Variants in NCKAP5 observed in about 807,000 individuals in gnomAD.
NCKAP5 encodes nck-associated protein 5.
A neutral mutation model predicts 167.0 loss-of-function variants in NCKAP5; 92 were observed. The observed-to-expected ratio is 0.55, with a 90% confidence interval of 0.47 to 0.66. The LOEUF is 0.66. NCKAP5 is among the 30% of genes least tolerant of loss of function. The pLI is 0.00. For synonymous variants in NCKAP5, 891 were observed against 877.4 expected, an observed-to-expected ratio of 1.02 and a Z score of -0.27; for missense variants, 2,378 against 2,315.0, an observed-to-expected ratio of 1.03 and a Z score of -0.56.
chr2:133,258,137 CAG>C (rs1470354424), intron 4 of NCKAP5, among the ~76,000 whole-genome samples: 1 of 152,172 alleles, frequency 6.6e-6, no homozygotes, highest in Non-Finnish European at 1.5e-5. Context: ...CCACCAAAAA[CAG>C]ACAAAAACCA....
At chr2:133,426,522 T>C (rs1007507561) in intron 3 of NCKAP5, among the ~76,000 whole-genome samples, 3 of 150,006 alleles carry the variant, frequency 2.0e-5, no homozygotes, top group Non-Finnish European at 4.4e-5. Flanking sequence ...CAAAATCAGA[T>C]ACAGACACTA....
At chr2:133,213,901 T>G in intron 4 of NCKAP5, 122 bp from the exon 5 acceptor site, 1 of 802,492 alleles carries the variant, frequency 1.2e-6, no homozygotes, top group Non-Finnish European at 2.1e-6. Context: ...GCTCACTTCC[T>G]CCTCTATACT....
chr2:133,132,792 T>C (rs920935771), intron 5 of NCKAP5, among the ~76,000 whole-genome samples: 1 of 151,644 alleles, frequency 6.6e-6, no homozygotes, highest in Non-Finnish European at 1.5e-5. Context: ...TTCTCCTGCC[T>C]CAGCCTCCAG....
chr2:132,844,932 C>A (rs1688554746), intron 11 of NCKAP5, among the ~76,000 whole-genome samples: 1 of 152,140 alleles, frequency 6.6e-6, no homozygotes, highest in Non-Finnish European at 1.5e-5. Context: ...TGTTTTTCTC[C>A]ACCTTTGAGT....
chr2:132,933,175 G>T (rs576108412), intron 8 of NCKAP5, among the ~76,000 whole-genome samples: 10 of 151,800 alleles, frequency 6.6e-5, no homozygotes, highest in East Asian at 3.9e-4. Flanking sequence ...TCTGCCCGCT[G>T]CGGCCTCCCA....
chr2:133,304,623 A>C (rs1055026932), intron 3 of NCKAP5, among the ~76,000 whole-genome samples: 3 of 152,224 alleles, frequency 2.0e-5, no homozygotes, highest in Admixed American at 2.0e-4. Flanking sequence ...TGAATTCTCA[A>C]ATATGTTCAG....
chr2:133,107,386 A>C (rs2081744392), intron 6 of NCKAP5, among the ~76,000 whole-genome samples: 1 of 152,238 alleles, frequency 6.6e-6, no homozygotes, highest in South Asian at 2.1e-4. Flanking sequence ...AGTAAAATTC[A>C]CATTTTGGAC....
At chr2:133,428,444 T>C (rs1689949603) in intron 3 of NCKAP5, among the ~76,000 whole-genome samples, 1 of 152,136 alleles carries the variant, frequency 6.6e-6, no homozygotes, top group Non-Finnish European at 1.5e-5. Flanking sequence ...AACATTTCAT[T>C]AGAACCCTAT....
At chr2:133,169,756 G>A (rs1481936810) in intron 5 of NCKAP5, among the ~76,000 whole-genome samples, 1 of 152,206 alleles carries the variant, frequency 6.6e-6, no homozygotes, top group Non-Finnish European at 1.5e-5. Flanking sequence ...TCTGTTTTCA[G>A]TTAGAAAATA....
chr2:133,417,999 G>C (rs955675912), intron 3 of NCKAP5, among the ~76,000 whole-genome samples: 2 of 152,330 alleles, frequency 1.3e-5, no homozygotes, highest in African/African-American at 4.8e-5. Context: ...TTAAAGCTGT[G>C]ATTTTTCAGT....
intron 5 of NCKAP5, among the ~76,000 whole-genome samples, chr2:133,153,833 C>CTCT (rs761022792): frequency 9.1e-6 from 1 of 109,764 alleles, no homozygotes; most frequent in African/African-American, 3.7e-5. Context: ...GTTCCTCCTT[C>CTCT]TTTTTTTTTT....
At chr2:132,684,330 A>T (rs1685650018) in intron 19 of NCKAP5, among the ~76,000 whole-genome samples, 2 of 152,342 alleles carry the variant, frequency 1.3e-5, no homozygotes, top group South Asian at 4.1e-4. Flanking sequence ...TAATCTGTAA[A>T]GAAGGTCCAG....
At chr2:132,934,249 G>A (rs1362425828) in intron 8 of NCKAP5, among the ~76,000 whole-genome samples, 2 of 152,170 alleles carry the variant, frequency 1.3e-5, no homozygotes, top group South Asian at 2.1e-4. Context: ...TAGAAACTAC[G>A]TGAAGTCATG....
At chr2:133,207,657 G>GACA (rs376287683) in intron 5 of NCKAP5, among the ~76,000 whole-genome samples, 2 of 151,784 alleles carry the variant, frequency 1.3e-5, no homozygotes, top group Admixed American at 6.6e-5. Context: ...AAACAACAAC[G>GACA]ACAACAACAA....
At chr2:132,863,458 A>C (rs1199419757) in intron 10 of NCKAP5, among the ~76,000 whole-genome samples, 1 of 151,982 alleles carries the variant, frequency 6.6e-6, no homozygotes, top group Non-Finnish European at 1.5e-5. Flanking sequence ...TAAAAAAAAA[A>C]AAAAAAGAAA....
chr2:133,648,098 T>C, the NCKAP5 span, among the ~76,000 whole-genome samples: 1 of 152,160 alleles, frequency 6.6e-6, no homozygotes, highest in Non-Finnish European at 1.5e-5. Context: ...TATATTTATA[T>C]AAGTCAAAAT....
chr2:133,225,433 A>G (rs1456135792), intron 4 of NCKAP5, among the ~76,000 whole-genome samples: 1 of 152,176 alleles, frequency 6.6e-6, no homozygotes, highest in Non-Finnish European at 1.5e-5. Flanking sequence ...AGGAGGCTTG[A>G]GCCATTTATC....
At chr2:133,094,213 T>C (rs1399489469) in intron 6 of NCKAP5, among the ~76,000 whole-genome samples, 1 of 152,122 alleles carries the variant, frequency 6.6e-6, no homozygotes, top group Non-Finnish European at 1.5e-5. Flanking sequence ...GAAAGTGAGG[T>C]GAATCCTAAG....
At chr2:132,688,293 G>A (rs1686227352) in intron 19 of NCKAP5, among the ~76,000 whole-genome samples, 1 of 152,106 alleles carries the variant, frequency 6.6e-6, no homozygotes, top group African/African-American at 2.4e-5. Flanking sequence ...CCCAATGAAT[G>A]TTGTAAATTA....
Sources: gnomAD v4.1 joint callset for allele counts (sites outside exome capture counted in the v4.1 genomes callset) on GRCh38, gnomAD v4.1.1 for gene constraint, MANE v1.5 for transcripts, NCBI Gene and HGNC (gene_info 2026-07-23, HGNC 2026-07-21) for gene names.